Variants in KIF3C observed in about 807,000 individuals in gnomAD.
KIF3C encodes the protein kinesin family member 3C, also known as kinesin-like protein KIF3C.
KIF3C carries 12 observed loss-of-function variants against 67.7 expected under a neutral mutation model. That is an observed-to-expected ratio of 0.18 (90% confidence interval 0.11 to 0.29). The LOEUF (loss-of-function observed/expected upper bound fraction) is 0.29. KIF3C is among the 10% of genes least tolerant of loss of function. KIF3C has a pLI of 1.00. For missense variants in KIF3C, 789 were observed against 1,059.6 expected, an observed-to-expected ratio of 0.74 and a Z score of 3.55; for synonymous variants, 393 against 426.2, an observed-to-expected ratio of 0.92 and a Z score of 0.96.
rs150777313 is a variant in KIF3C at position 25,928,991 on chromosome 2, G to A, written c.2369C>T (p.Ala790Val). The A allele has an allele frequency of 1.2e-5, 20 of 1,613,206 alleles. No individual in the cohort carries two copies. Among genetic ancestry groups the A allele is most frequent in the Middle Eastern group, 1.7e-4 (1 of 5,868 alleles). ...ASASLRPATV[A>V]DHE is the part of the protein sequence containing the mutation. The stretch of plus-strand genomic sequence containing the variant: ...ACGTGATGGTTGTCACTCATGGTCC[G>A]CCACTGTTGCAGGGCGCAGAGAAGC... Residue 790 changes from alanine to valine, a missense_variant, in exon 8 of 8, where the codon GCG (alanine) becomes GTG (valine). Physicochemically the swap from Ala to Val is moderately conservative, Grantham distance 64 (BLOSUM62 0). Coordinates refer to ENST00000264712, the MANE Select transcript of KIF3C (RefSeq NM_002254.8).
intron 5 of KIF3C, among the ~76,000 whole-genome samples, chr2:25,932,001 TTG>T: frequency 6.8e-6 from 1 of 147,628 alleles, no homozygotes; most frequent in Admixed American, 6.7e-5. Flanking sequence ...TTCTTCTGTT[TTG>T]TTTTTTTTTT....
intron 5 of KIF3C, among the ~76,000 whole-genome samples, chr2:25,942,846 A>G (rs950394731): frequency 3.9e-5 from 6 of 152,210 alleles, no homozygotes; most frequent in Admixed American, 1.3e-4. Flanking sequence ...AACTTCCAAA[A>G]TAAGTTGATT....
At chr2:25,935,766 T>C (rs1663089325) in intron 5 of KIF3C, among the ~76,000 whole-genome samples, 1 of 152,130 alleles carries the variant, frequency 6.6e-6, no homozygotes, top group Non-Finnish European at 1.5e-5. Flanking sequence ...GAAGGAACTT[T>C]ATGTAGTCAA....
intron 1 of KIF3C, among the ~76,000 whole-genome samples, chr2:25,978,516 C>G (rs1664475107): frequency 6.6e-6 from 1 of 152,112 alleles, no homozygotes; most frequent in Admixed American, 6.6e-5. Flanking sequence ...CCTGCCAACT[C>G]TAAGACTGTG....
intron 4 of KIF3C, among the ~76,000 whole-genome samples, chr2:25,953,050 C>G (rs1406077890): frequency 4.6e-5 from 7 of 151,790 alleles, no homozygotes; most frequent in African/African-American, 1.7e-4. Context: ...GGACGGATCA[C>G]CTGAGGTCAG....
chr2:25,929,947 C>T lies in KIF3C; in HGVS notation c.2115+8G>A. The T allele has an allele frequency of 6.2e-7, 1 of 1,600,620 alleles. No homozygotes were observed. Among genetic ancestry groups the T allele is most frequent in the Non-Finnish European group, 8.6e-7 (1 of 1,167,678 alleles). The stretch of plus-strand genomic sequence containing the variant: ...CCGTAGGCTCTTTCTCCCCTCTCCG[C>T]TTCTTACCCTGTACCTGGGGTGGGA... On this transcript the variant is annotated splice_region_variant and intron_variant, in intron 6 of 7. Transcript: ENST00000264712.
intron 5 of KIF3C, among the ~76,000 whole-genome samples, chr2:25,938,934 ACAT>A (rs1663212749): frequency 6.6e-6 from 1 of 151,882 alleles, no homozygotes; most frequent in South Asian, 2.1e-4. Flanking sequence ...TCAGGGGTTG[ACAT>A]CATTCTCTTT....
Position 25,929,486 on chromosome 2 carries a change from G to A in KIF3C, c.2116-9C>T. 1 of 1,612,910 alleles carries A rather than the reference G, an allele frequency of 6.2e-7. No individual in the cohort carries two copies. Among genetic ancestry groups the A allele is most frequent in the Non-Finnish European group, 8.5e-7 (1 of 1,179,322 alleles). ...AACATTATGTTTTCAGCCTGTGGTGGGAATATCATGCCAGGCTTGAACAGT... is the reference window on the plus strand; with the variant it reads ...AACATTATGTTTTCAGCCTGTGGTGAGAATATCATGCCAGGCTTGAACAGT... On this transcript the variant is annotated splice_polypyrimidine_tract_variant and intron_variant, in intron 6 of 7. Coordinates refer to ENST00000264712, the MANE Select transcript of KIF3C (RefSeq NM_002254.8).
At chr2:25,976,769 A>G (rs1298478353) in intron 1 of KIF3C, among the ~76,000 whole-genome samples, 1 of 152,218 alleles carries the variant, frequency 6.6e-6, no homozygotes, top group Non-Finnish European at 1.5e-5. Context: ...TCAAAAAAAA[A>G]GTTAATTTCA....
rs1559555656 is a variant in KIF3C, at chr2:25,963,192, ATATATTTTTTTTTT to A, written c.1546-6762_1546-6749del. Among the ~76,000 whole-genome samples, 167 of 54,250 alleles carry A rather than the reference ATATATTTTTTTTTT, an allele frequency of 3.1e-3. 5 individuals carry two copies. The highest frequency in any genetic ancestry group is 0.02 in the African/African-American group (160 of 8,068). 35.6% of individuals were successfully genotyped at this position (54,250 alleles called of 152,430 possible). ...TGTGTGTGTATATATATATATATAT[ATATATTTTTTTTTT>A]TTTTTTTTTTTTTTTTAAAGATAGA... On this transcript the variant is annotated intron_variant, in intron 1 of 7. Coordinates refer to ENST00000264712, the MANE Select transcript of KIF3C (RefSeq NM_002254.8).
At chr2:25,962,834 AAAAT>A (rs1415233536) in intron 1 of KIF3C, among the ~76,000 whole-genome samples, 2 of 69,326 alleles carry the variant, frequency 2.9e-5, no homozygotes, top group Non-Finnish European at 5.0e-5. Flanking sequence ...TAAAATATAT[AAAAT>A]ATATAATATA....
At chr2:25,964,010 T>C (rs1664077397) in intron 1 of KIF3C, among the ~76,000 whole-genome samples, 4 of 152,120 alleles carry the variant, frequency 2.6e-5, no homozygotes, top group Admixed American at 2.6e-4. Flanking sequence ...GTATTATTAT[T>C]TTAAAAATTT....
intron 5 of KIF3C, among the ~76,000 whole-genome samples, chr2:25,939,303 A>T (rs1663225491): frequency 6.6e-6 from 1 of 152,028 alleles, no homozygotes; most frequent in Non-Finnish European, 1.5e-5. Context: ...ATCCGACATC[A>T]TCGGGTGTGT....
At chr2:25,954,611 G>C (rs1663758257) in intron 3 of KIF3C, among the ~76,000 whole-genome samples, 1 of 152,216 alleles carries the variant, frequency 6.6e-6, no homozygotes, top group Non-Finnish European at 1.5e-5. Flanking sequence ...ACCATTGTCT[G>C]CTCTTTCTCA....
rs750383381 is a variant in KIF3C at position 25,947,307 on chromosome 2, C to T, written c.2006+4482G>A. Among the ~76,000 whole-genome samples the T allele has an allele frequency of 1.7e-4, 26 of 152,124 alleles. No homozygotes were observed. In the East Asian group the frequency reaches 4.5e-3, roughly 26 times the overall value. ...TTAAAAAGTTACTACAGGGGCCCGACGCAGTGGCTTGTGCCTGTAATCCCA... is the reference window on the plus strand; with the variant it reads ...TTAAAAAGTTACTACAGGGGCCCGATGCAGTGGCTTGTGCCTGTAATCCCA... On this transcript the variant is annotated intron_variant, in intron 5 of 7. Transcript: ENST00000264712.
At chr2:25,945,564 CAAAAAAAAAAAAA>C (rs10581291) in intron 5 of KIF3C, among the ~76,000 whole-genome samples, 1 of 67,396 alleles carries the variant, frequency 1.5e-5, no homozygotes, top group African/African-American at 5.4e-5. Context: ...GAGAATATCT[CAAAAAAAAAAAAA>C]AAAAAAAAAA....
At chr2:25,961,874 C>A (rs780128761) in intron 1 of KIF3C, among the ~76,000 whole-genome samples, 1 of 149,830 alleles carries the variant, frequency 6.7e-6, no homozygotes, top group African/African-American at 2.5e-5. Context: ...CGCTTGAACC[C>A]GAGGCGGAGG....
At chr2:25,932,768 G>A (rs1455590981) in intron 5 of KIF3C, among the ~76,000 whole-genome samples, 1 of 151,978 alleles carries the variant, frequency 6.6e-6, no homozygotes, top group Non-Finnish European at 1.5e-5. Flanking sequence ...GGGAGGCAGA[G>A]GTTGCAGTGA....
At chr2:25,976,445 A>G (rs943376228) in intron 1 of KIF3C, among the ~76,000 whole-genome samples, 2 of 152,174 alleles carry the variant, frequency 1.3e-5, no homozygotes, top group East Asian at 3.8e-4. Context: ...AAGTTTTAGG[A>G]ATCATCTAGT....
Sources: allele counts gnomAD v4.1 joint callset (sites outside exome capture counted in the v4.1 genomes callset), GRCh38; gene constraint gnomAD v4.1.1; transcripts MANE v1.5; gene names NCBI Gene and HGNC (gene_info 2026-07-23, HGNC 2026-07-21).